Variants in GPC5 observed in about 807,000 individuals in gnomAD.
GPC5 encodes glypican 5.
GPC5 carries 47 observed loss-of-function variants against 53.9 expected under a neutral mutation model. The ratio of observed to expected loss-of-function variants is 0.87; its 90% CI spans 0.69 to 1.11. GPC5 has a LOEUF of 1.11. Ranked by LOEUF, GPC5 falls within the 50% of genes most tolerant of loss-of-function variation. The probability of loss-of-function intolerance (pLI) is 0.00; values close to 1 mark genes in which losing one functional copy is unlikely to be tolerated. For missense variants in GPC5, 748 were observed against 713.1 expected (o/e 1.05, Z -0.56); for synonymous variants, 286 against 263.3 (o/e 1.09, Z -0.84).
chr13:91,644,913 A>G (rs1354541876), intron 2 of GPC5, among the ~76,000 whole-genome samples: 1 of 152,262 alleles, frequency 6.6e-6, no homozygotes, highest in Admixed American at 6.5e-5. Context: ...AAAGACTGTT[A>G]CTCAACATGA....
intron 7 of GPC5, among the ~76,000 whole-genome samples, chr13:92,795,174 TA>T (rs1272632065): frequency 6.6e-6 from 1 of 152,044 alleles, no homozygotes. Flanking sequence ...ATGGTACTGG[TA>T]ACAAAACAGA....
At chr13:92,478,390 G>T (rs1185360362) in intron 7 of GPC5, among the ~76,000 whole-genome samples, 1 of 152,120 alleles carries the variant, frequency 6.6e-6, no homozygotes, top group African/African-American at 2.4e-5. Flanking sequence ...GAGTCTTGGG[G>T]ATTTAGAAAT....
intron 3 of GPC5, among the ~76,000 whole-genome samples, chr13:91,700,058 T>C (rs994813771): frequency 6.6e-6 from 1 of 152,228 alleles, no homozygotes; most frequent in Admixed American, 6.5e-5. Context: ...AGTTCTGTGA[T>C]ATTTCAGCCT....
chr13:92,705,147 T>A (rs1430024089), intron 7 of GPC5, among the ~76,000 whole-genome samples: 1 of 152,064 alleles, frequency 6.6e-6, no homozygotes, highest in Non-Finnish European at 1.5e-5. Context: ...CATTTTTTTG[T>A]CTTGCCAACA....
intron 7 of GPC5, among the ~76,000 whole-genome samples, chr13:92,727,669 C>A (rs190296627): frequency 4.0e-4 from 60 of 151,428 alleles, no homozygotes; most frequent in Admixed American, 3.8e-3. Flanking sequence ...CTTTTTCAAG[C>A]TTCATTTGCT....
intron 6 of GPC5, among the ~76,000 whole-genome samples, chr13:92,075,488 T>G (rs1027030802): frequency 2.0e-5 from 3 of 152,190 alleles, no homozygotes; most frequent in African/African-American, 4.8e-5. Flanking sequence ...TTCTAAAAAT[T>G]TAATATAATC....
At chr13:92,024,470 T>C (rs1302542469) in intron 6 of GPC5, among the ~76,000 whole-genome samples, 1 of 152,192 alleles carries the variant, frequency 6.6e-6, no homozygotes, top group Non-Finnish European at 1.5e-5. Flanking sequence ...TTCTTTCCTT[T>C]ATAAAAGCTT....
chr13:91,958,304 T>C (rs2040093335), intron 6 of GPC5, among the ~76,000 whole-genome samples: 1 of 151,308 alleles, frequency 6.6e-6, no homozygotes, highest in South Asian at 2.1e-4. Flanking sequence ...CATTATATAA[T>C]GATAAAGGGA....
chr13:91,857,153 C>T (rs1462663973), intron 5 of GPC5, among the ~76,000 whole-genome samples: 1 of 151,312 alleles, frequency 6.6e-6, no homozygotes. Flanking sequence ...TAGTTTTTGA[C>T]CAGTATTCAG....
chr13:92,802,059 C>T (rs1876925676), intron 7 of GPC5, among the ~76,000 whole-genome samples: 1 of 151,784 alleles, frequency 6.6e-6, no homozygotes, highest in Non-Finnish European at 1.5e-5. Context: ...TCATTCATTA[C>T]TCATTCACCT....
chr13:92,275,536 G>A (rs9523579), intron 7 of GPC5, among the ~76,000 whole-genome samples: 10,169 of 152,082 alleles, frequency 0.067, 390 homozygotes, highest in Non-Finnish European at 0.086. Flanking sequence ...GAATTGGGGA[G>A]TAATTCTATA....
chr13:91,776,992 A>T (rs370874083), intron 5 of GPC5, among the ~76,000 whole-genome samples: 5 of 152,214 alleles, frequency 3.3e-5, no homozygotes, highest in African/African-American at 1.2e-4. Context: ...TAACCGCCCA[A>T]TAAAAATGCT....
At chr13:92,352,839 T>C (rs1343072694) in intron 7 of GPC5, among the ~76,000 whole-genome samples, 1 of 152,184 alleles carries the variant, frequency 6.6e-6, no homozygotes, top group African/African-American at 2.4e-5. Flanking sequence ...AACCCAGCCA[T>C]ATTTGGTATA....
At chr13:92,133,461 G>A (rs1407581752) in intron 6 of GPC5, among the ~76,000 whole-genome samples, 1 of 152,100 alleles carries the variant, frequency 6.6e-6, no homozygotes, top group East Asian at 1.9e-4. Context: ...GGCTAATGAA[G>A]GAAATCCAGA....
intron 7 of GPC5, among the ~76,000 whole-genome samples, chr13:92,255,832 T>C (rs2042722647): frequency 6.6e-6 from 1 of 152,152 alleles, no homozygotes; most frequent in Admixed American, 6.6e-5. Context: ...TCTTTGTTTA[T>C]GTTGTCTCCA....
chr13:91,573,841 A>G (rs1332411654), intron 2 of GPC5, among the ~76,000 whole-genome samples: 1 of 152,192 alleles, frequency 6.6e-6, no homozygotes, highest in East Asian at 1.9e-4. Flanking sequence ...GCTTCAACAA[A>G]AATGAAAATT....
At chr13:92,835,812 A>G (rs1878199698) in intron 7 of GPC5, among the ~76,000 whole-genome samples, 1 of 152,034 alleles carries the variant, frequency 6.6e-6, no homozygotes, top group Admixed American at 6.5e-5. Context: ...ACCAGAAATA[A>G]GATCCATGAC....
intron 7 of GPC5, among the ~76,000 whole-genome samples, chr13:92,468,344 G>A (rs9589549): frequency 0.016 from 2,383 of 152,164 alleles, 57 homozygotes; most frequent in African/African-American, 0.052. Context: ...ATAGAGAAAA[G>A]GTCTGTCTCA....
intron 2 of GPC5, among the ~76,000 whole-genome samples, chr13:91,525,997 G>A (rs757321081): frequency 1.9e-4 from 29 of 152,130 alleles, no homozygotes; most frequent in Non-Finnish European, 2.9e-4. Context: ...TTCTGCTGGG[G>A]GAGTAAGTAG....
Sources: allele counts gnomAD v4.1 joint callset (sites outside exome capture counted in the v4.1 genomes callset), GRCh38; gene constraint gnomAD v4.1.1; transcripts MANE v1.5; gene names NCBI Gene and HGNC (gene_info 2026-07-23, HGNC 2026-07-21).